POLA1: variants seen among roughly 807,000 people sequenced by gnomAD.
POLA1 encodes the protein DNA polymerase alpha catalytic subunit.
In POLA1, 15 loss-of-function variants were observed where a neutral mutation model predicts 124.0. That is an observed-to-expected ratio of 0.12 (90% confidence interval 0.08 to 0.19). The LOEUF (loss-of-function observed/expected upper bound fraction) is 0.19, where lower values mean the gene tolerates loss of function less well. POLA1 is among the 10% of genes least tolerant of loss of function. The probability of loss-of-function intolerance (pLI) is 1.00; values close to 1 mark genes in which losing one functional copy is unlikely to be tolerated. For missense variants in POLA1, 886 were observed against 1,103.4 expected, an observed-to-expected ratio of 0.80 and a Z score of 2.79; for synonymous variants, 408 against 389.4, an observed-to-expected ratio of 1.05 and a Z score of -0.56.
At chrX:24,766,716 A>G (rs1020680439) in intron 26 of POLA1, among the ~76,000 whole-genome samples, 1 of 111,676 alleles carries the variant, frequency 9.0e-6, no homozygotes, top group Non-Finnish European at 1.9e-5. Flanking sequence ...GGCTCCTTCC[A>G]CATCTGTATC....
At chrX:24,912,488 T>C (rs1469676845) in intron 35 of POLA1, among the ~76,000 whole-genome samples, 3 of 111,727 alleles carry the variant, frequency 2.7e-5, no homozygotes, top group Non-Finnish European at 5.6e-5. Flanking sequence ...GTATCCAGTA[T>C]ATATAAAGAA....
At chrX:24,707,125 G>T (rs1928864969) in intron 4 of POLA1, among the ~76,000 whole-genome samples, 1 of 112,310 alleles carries the variant, frequency 8.9e-6, no homozygotes, top group Non-Finnish European at 1.9e-5. Flanking sequence ...TAGTTTGTGT[G>T]AGTCCATGAA....
chrX:24,846,986 T>C (rs2046485471), intron 34 of POLA1, among the ~76,000 whole-genome samples: 1 of 112,388 alleles, frequency 8.9e-6, no homozygotes, highest in African/African-American at 3.2e-5. Flanking sequence ...GATAGCTCTT[T>C]AGTCTATTAT....
intron 35 of POLA1, among the ~76,000 whole-genome samples, chrX:24,921,474 A>C (rs767378703): frequency 1.8e-4 from 20 of 112,486 alleles, no homozygotes; most frequent in Non-Finnish European, 3.6e-4. Context: ...AGATGTACCC[A>C]CACCATACTG....
chrX:24,894,690 G>A (rs1349220800), intron 35 of POLA1, among the ~76,000 whole-genome samples: 1 of 111,710 alleles, frequency 9.0e-6, no homozygotes, highest in Non-Finnish European at 1.9e-5. Flanking sequence ...AAGGACACCA[G>A]TCTCATATTG....
At chrX:24,777,642 A>G (rs1297200645) in intron 26 of POLA1, among the ~76,000 whole-genome samples, 1 of 112,205 alleles carries the variant, frequency 8.9e-6, no homozygotes, top group Non-Finnish European at 1.9e-5. Context: ...AGAAGTAGAT[A>G]TTTGCCTTTG....
chrX:24,738,937 T>C (rs1207650476), intron 19 of POLA1, among the ~76,000 whole-genome samples: 1 of 111,277 alleles, frequency 9.0e-6, no homozygotes. Context: ...AGAGTTGTTA[T>C]TAGCACTTCA....
chrX:24,861,607 G>A (rs1453947644), intron 34 of POLA1, among the ~76,000 whole-genome samples: 4 of 112,667 alleles, frequency 3.6e-5, no homozygotes, highest in Admixed American at 1.9e-4. Flanking sequence ...TATCCATCAC[G>A]ATGTTTGTCT....
chrX:24,732,206 C>T (rs1017980457), intron 15 of POLA1, among the ~76,000 whole-genome samples, 164 bp from the exon 16 acceptor site: 2 of 112,243 alleles, frequency 1.8e-5, no homozygotes, highest in Non-Finnish European at 3.8e-5. Flanking sequence ...CCACCCGCCT[C>T]AGCCTCTCAG....
chrX:24,772,287 T>C (rs2045054019), intron 26 of POLA1, among the ~76,000 whole-genome samples: 1 of 111,729 alleles, frequency 9.0e-6, no homozygotes, highest in African/African-American at 3.3e-5. Context: ...TCAAAAGAGG[T>C]ATTTTCAGGT....
intron 34 of POLA1, among the ~76,000 whole-genome samples, chrX:24,854,340 G>A (rs896074221): frequency 9.0e-6 from 1 of 111,516 alleles, no homozygotes; most frequent in Non-Finnish European, 1.9e-5. Context: ...GTGAGCCACC[G>A]CGCCCGGCCA....
intron 36 of POLA1, among the ~76,000 whole-genome samples, chrX:24,981,496 C>T (rs2048419528): frequency 8.9e-6 from 1 of 112,663 alleles, no homozygotes; most frequent in Admixed American, 9.4e-5. Context: ...TTTTCTACTT[C>T]GAGCTATTGT....
chrX:24,877,915 G>T (rs200490151), intron 34 of POLA1, among the ~76,000 whole-genome samples: 10 of 95,715 alleles, frequency 1.0e-4, no homozygotes, highest in African/African-American at 1.5e-4. Context: ...GTTTTTTTTT[G>T]TTTTTTTTTT....
chrX:24,912,555 G>T (rs1163978093), intron 35 of POLA1, among the ~76,000 whole-genome samples: 1 of 111,341 alleles, frequency 9.0e-6, no homozygotes. Flanking sequence ...CAAAAGACTT[G>T]AATAGATTCT....
chrX:24,937,458 A>G (rs1198455729), intron 36 of POLA1, among the ~76,000 whole-genome samples: 1 of 111,931 alleles, frequency 8.9e-6, no homozygotes, highest in Admixed American at 9.4e-5. Context: ...TACTGCTCTC[A>G]TAACATGAAA....
chrX:24,829,859 A>G (rs2046236267), intron 32 of POLA1, among the ~76,000 whole-genome samples: 1 of 112,107 alleles, frequency 8.9e-6, no homozygotes. Context: ...TTAAAATTCT[A>G]AATCTGTTTT....
chrX:24,844,655 A>ATTATGAT (rs2046453381), intron 34 of POLA1, among the ~76,000 whole-genome samples: 1 of 112,051 alleles, frequency 8.9e-6, no homozygotes, highest in Non-Finnish European at 1.9e-5. Context: ...GAGTTCCAGT[A>ATTATGAT]TTATGATTTT....
chrX:24,870,576 C>T (rs1035279598), intron 34 of POLA1, among the ~76,000 whole-genome samples: 33 of 111,649 alleles, frequency 3.0e-4, no homozygotes, highest in African/African-American at 1.0e-3. Context: ...TTCTTCTTTC[C>T]TGGAGGAACA....
chrX:24,709,195 T>C (rs1378426935), intron 4 of POLA1, among the ~76,000 whole-genome samples: 1 of 86,843 alleles, frequency 1.2e-5, no homozygotes, highest in Non-Finnish European at 2.3e-5. Context: ...GCAGGGGGGC[T>C]GACCCCCCCA....
Sources: allele counts gnomAD v4.1 joint callset (sites outside exome capture counted in the v4.1 genomes callset), GRCh38; gene constraint gnomAD v4.1.1; transcripts MANE v1.5; gene names NCBI Gene and HGNC (gene_info 2026-07-23, HGNC 2026-07-21).